S100A5: variants seen among roughly 807,000 people sequenced by gnomAD.
S100A5 encodes protein S100-A5.
Under a neutral mutation model 6.7 loss-of-function variants are expected in S100A5, and 5 were observed. That is an observed-to-expected ratio of 0.75 (90% confidence interval 0.39 to 1.57). S100A5 has a LOEUF of 1.57. Among genes scored for constraint, S100A5 ranks in the 40% most tolerant of loss-of-function variants. The probability of loss-of-function intolerance (pLI) is 0.03; values close to 1 mark genes in which losing one functional copy is unlikely to be tolerated. For missense variants in S100A5, 129 were observed against 110.8 expected (o/e 1.16, Z -0.74); for synonymous variants, 49 against 44.9 (o/e 1.09, Z -0.37).
intron 2 of S100A5, 52 bp from the exon 3 acceptor site, chr1:153,537,488 C>T (rs1389499361): frequency 1.9e-6 from 3 of 1,604,034 alleles, no homozygotes; most frequent in Non-Finnish European, 2.6e-6. Context: ...CCAGCCCTGC[C>T]CTCGCACCAC....
upstream of S100A5, chr1:153,541,770 C>T: frequency 9.1e-7 from 1 of 1,093,218 alleles, no homozygotes; most frequent in Non-Finnish European, 1.1e-6. Flanking sequence ...GTGGGACAAA[C>T]ACAGGGCACC....
At chr1:153,537,576 C>T in intron 2 of S100A5, 140 bp from the exon 3 acceptor site, 1 of 1,071,696 alleles carries the variant, frequency 9.3e-7, no homozygotes, top group South Asian at 1.5e-5. Context: ...TCTCGACCCC[C>T]AGAGTCTGCC....
intron 2 of S100A5, among the ~76,000 whole-genome samples, chr1:153,537,814 G>A (rs1425201614): frequency 3.3e-5 from 5 of 152,174 alleles, no homozygotes; most frequent in Admixed American, 6.5e-5. Flanking sequence ...TTGGGAGGCC[G>A]AGGCGGGTGG....
chr1:153,540,338 G>A lies in S100A5; in HGVS notation c.-14-133C>T, dbSNP rs113240705. On this transcript the variant is annotated intron_variant, in intron 1 of 2. Coordinates refer to ENST00000368717, the MANE Select transcript of S100A5 (RefSeq NM_001394232.1). The stretch of plus-strand genomic sequence containing the variant: ...GAGACTGAAATCCACTAACAAGAGC[G>A]CCCATCTATATCAGTACAGGTTACA... 7.8e-4 allele frequency: 654 copies of A among 843,774 alleles called. No homozygotes were observed. In the African/African-American group the frequency reaches 9.1e-3, roughly 12 times the overall value. The allele number at this position is 843,774 out of a possible 1,614,324, so 52.3% of individuals were successfully genotyped here. A position where few individuals can be genotyped will look rare whatever the true frequency, so the allele number is the denominator to read the frequency against.
In S100A5 at chr1:153,540,886, G is replaced by T. The variant is rs1001411945; in HGVS notation, c.-280C>A. 2.0e-5 allele frequency among the ~76,000 whole-genome samples: 3 copies of T among 152,138 alleles called. No individual in the cohort carries two copies. The highest frequency in any genetic ancestry group is 4.4e-5 in the Non-Finnish European group (3 of 68,030). On this transcript the variant is annotated 5_prime_UTR_variant, in exon 1 of 3. Transcript: ENST00000368717. ...ATCCAGAGGCTACGCTTGAATAAGG[G>T]CCTGGATTCCAATAGCACAGCCACC...
upstream of S100A5, chr1:153,541,629 T>C (rs554588516): frequency 3.6e-5 from 43 of 1,181,672 alleles, no homozygotes; most frequent in Middle Eastern, 7.8e-4. Flanking sequence ...TGAGTTCCCA[T>C]AGCACACACG....
At chr1:153,540,255 A>G (rs1301652189) in intron 1 of S100A5, 50 bp from the exon 2 acceptor site, 2 of 1,596,638 alleles carry the variant, frequency 1.3e-6, no homozygotes, top group Non-Finnish European at 8.6e-7. Flanking sequence ...CACCACCAGC[A>G]GCACTAGCCT....
intron 2 of S100A5, among the ~76,000 whole-genome samples, chr1:153,538,596 C>T (rs1665267943): frequency 6.6e-6 from 1 of 152,196 alleles, no homozygotes; most frequent in East Asian, 1.9e-4. Context: ...AGAGATCAGG[C>T]CTGGGGACGC....
chr1:153,537,827 CACCTG>C (rs1397639774), intron 2 of S100A5, among the ~76,000 whole-genome samples: 2 of 152,140 alleles, frequency 1.3e-5, no homozygotes, highest in African/African-American at 4.8e-5. Context: ...GCGGGTGGAT[CACCTG>C]ACATCAGGAG....
At chr1:153,540,337 C>G in intron 1 of S100A5, 132 bp from the exon 2 acceptor site, 1 of 852,946 alleles carries the variant, frequency 1.2e-6, no homozygotes, top group Non-Finnish European at 1.8e-6. Flanking sequence ...CTAACAAGAG[C>G]GCCCATCTAT....
At chr1:153,542,845 C>T (rs978086601), upstream of S100A5, among the ~76,000 whole-genome samples, 8 of 152,054 alleles carry the variant, frequency 5.3e-5, no homozygotes, top group African/African-American at 1.9e-4. Flanking sequence ...AAACTATGGT[C>T]ACCTTCCCAC....
chr1:153,543,045 C>T (rs1655163970), upstream of S100A5, among the ~76,000 whole-genome samples: 1 of 152,088 alleles, frequency 6.6e-6, no homozygotes, highest in East Asian at 1.9e-4. Flanking sequence ...CTCCACATTG[C>T]CCTCCCTGAT....
Position 153,537,355 on chromosome 1 carries a change from C to G in S100A5, c.220G>C (p.Val74Leu), listed in dbSNP as rs1019689346. The G allele has an allele frequency of 3.1e-6, 5 of 1,614,036 alleles. No homozygotes were observed. In the African/African-American group the frequency reaches 6.7e-5, roughly 22 times the overall value. ...GCCATGCACAGCATGGTCAGGAACA[C>G]CGAGTACTCCTTGAAGTCGATCTCC... ...DQEIDFKEYSVFLTMLCMAYN... is the reference protein window; with the variant it reads ...DQEIDFKEYSLFLTMLCMAYN... Residue 74 changes from valine (V) to leucine (L), a missense_variant, in exon 3 of 3, where the codon GTG (valine) becomes CTG (leucine). By Grantham distance (32) the Val-to-Leu change is conservative. Coordinates refer to ENST00000368717, the MANE Select transcript of S100A5 (RefSeq NM_001394232.1).
chr1:153,539,983 G>T, intron 2 of S100A5, 71 bp downstream of exon 2: 1 of 1,568,226 alleles, frequency 6.4e-7, no homozygotes, highest in Non-Finnish European at 8.7e-7. Flanking sequence ...GGAGGATCCT[G>T]AGGGTAGGTA....
chr1:153,543,682 G>A (rs1028448467), upstream of S100A5: 11 of 1,407,642 alleles, frequency 7.8e-6, no homozygotes, highest in Non-Finnish European at 8.9e-6. Flanking sequence ...AAGGAGCCAG[G>A]GTGGAAAAAA....
intron 2 of S100A5, among the ~76,000 whole-genome samples, chr1:153,539,450 A>AAAAATATATAT (rs1553214691): frequency 3.2e-5 from 1 of 31,194 alleles, no homozygotes; most frequent in African/African-American, 1.1e-4. Context: ...AAAAAAAAAA[A>AAAAATATATAT]ATATATATAT....
upstream of S100A5, chr1:153,541,594 T>C (rs569168282): frequency 8.2e-7 from 1 of 1,218,288 alleles, no homozygotes; most frequent in African/African-American, 1.6e-5. Flanking sequence ...CCTTCCTTGT[T>C]TACAAACAAG....
chr1:153,542,409 C>CCCCAGGGAGGGCGCT (rs1553215158), upstream of S100A5, among the ~76,000 whole-genome samples: 1 of 152,158 alleles, frequency 6.6e-6, no homozygotes, highest in East Asian at 1.9e-4. Flanking sequence ...TGGGTGGAGG[C>CCCCAGGGAGGGCGCT]CCCAGGGAGG....
chr1:153,539,231 G>A (rs1665287421), intron 2 of S100A5, among the ~76,000 whole-genome samples: 1 of 151,386 alleles, frequency 6.6e-6, no homozygotes, highest in Admixed American at 6.6e-5. Flanking sequence ...TTCGAGACCA[G>A]CCTGACCAAC....
Sources: allele counts gnomAD v4.1 joint callset (sites outside exome capture counted in the v4.1 genomes callset), GRCh38; gene constraint gnomAD v4.1.1; transcripts MANE v1.5; gene names NCBI Gene and HGNC (gene_info 2026-07-23, HGNC 2026-07-21).